The following CTNND2 variants were observed in gnomAD, a reference collection of about 807,000 sequenced individuals.
The protein encoded by CTNND2 is catenin delta-2.
A neutral mutation model predicts 144.4 loss-of-function variants in CTNND2; 22 were observed. That is an observed-to-expected ratio of 0.15 (90% CI 0.11 to 0.22). CTNND2 has a LOEUF of 0.22. Among genes scored for constraint, CTNND2 ranks in the 10% least tolerant of loss-of-function variants. The pLI, the probability that CTNND2 is intolerant of heterozygous loss-of-function variation, is 1.00. For missense variants in CTNND2, 1,353 were observed against 1,618.8 expected, an observed-to-expected ratio of 0.84 and a Z score of 2.82; for synonymous variants, 751 against 695.6, an observed-to-expected ratio of 1.08 and a Z score of -1.25.
At chr5:11,153,261 CA>C (rs1757913691) in intron 12 of CTNND2, among the ~76,000 whole-genome samples, 1 of 151,874 alleles carries the variant, frequency 6.6e-6, no homozygotes, top group Admixed American at 6.6e-5. Flanking sequence ...GACTCCATCT[CA>C]AAAGAATAAA....
At chr5:11,313,236 C>T (rs138814734) in intron 9 of CTNND2, among the ~76,000 whole-genome samples, 107 of 152,312 alleles carry the variant, frequency 7.0e-4, no homozygotes, top group African/African-American at 2.5e-3. Context: ...GTCCCTCCTC[C>T]TCCTCCCTGA....
intron 2 of CTNND2, among the ~76,000 whole-genome samples, chr5:11,582,859 G>T (rs1028830829): frequency 2.7e-4 from 41 of 152,078 alleles, no homozygotes; most frequent in African/African-American, 9.9e-4. Flanking sequence ...CAATTAGAAT[G>T]CGTCGGTGCT....
chr5:11,199,604 C>T lies in CTNND2; in HGVS notation c.1819G>A (p.Glu607Lys), dbSNP rs1251135777. The T allele has an allele frequency of 8.1e-6, 13 of 1,614,060 alleles. No individual in the cohort carries two copies. The highest frequency in any genetic ancestry group is 2.2e-5 in the East Asian group (1 of 44,892). ...GCTCCACAGGCACTACGGTGGACTT[C>T]GGTCATCCGATGATCCAACAGGTCC... is the stretch of plus-strand genomic sequence containing the variant. ...LVDLLDHRMT[E>K]VHRSACGALR... Residue 607 changes from glutamate to lysine, a missense_variant, in exon 11 of 22, where the codon GAA (glutamate) becomes AAA (lysine). Physicochemically the swap from Glu to Lys is moderately conservative, Grantham distance 56 (BLOSUM62 1). Coordinates refer to ENST00000304623, the MANE Select transcript of CTNND2 (RefSeq NM_001332.4).
intron 3 of CTNND2, among the ~76,000 whole-genome samples, chr5:11,529,486 T>TA (rs1206781961): frequency 6.6e-6 from 1 of 152,248 alleles, no homozygotes; most frequent in Non-Finnish European, 1.5e-5. Flanking sequence ...GATCTATTTT[T>TA]AACTCTGCCT....
intron 2 of CTNND2, among the ~76,000 whole-genome samples, chr5:11,669,500 TG>T: frequency 6.6e-6 from 1 of 152,308 alleles, no homozygotes; most frequent in Non-Finnish European, 1.5e-5. Flanking sequence ...GGAGGGTATA[TG>T]GGTCCAGGAA....
At chr5:11,599,514 C>T (rs557431900) in intron 2 of CTNND2, among the ~76,000 whole-genome samples, 9 of 151,994 alleles carry the variant, frequency 5.9e-5, no homozygotes, top group South Asian at 4.2e-4. Flanking sequence ...TGAAGTTGCC[C>T]GCAATAGTTC....
intron 15 of CTNND2, among the ~76,000 whole-genome samples, chr5:11,090,927 T>C (rs6887277): frequency 0.16 from 24,968 of 152,028 alleles, 3,058 homozygotes; most frequent in East Asian, 0.41. Context: ...TCTGGATGCT[T>C]TGAAGATTTT....
chr5:11,420,597 T>C (rs1762291016), intron 3 of CTNND2, among the ~76,000 whole-genome samples: 1 of 152,122 alleles, frequency 6.6e-6, no homozygotes, highest in Non-Finnish European at 1.5e-5. Flanking sequence ...GTTGCCCTGT[T>C]CCATTAGCGC....
At chr5:11,438,815 A>G (rs1764001893) in intron 3 of CTNND2, among the ~76,000 whole-genome samples, 1 of 152,178 alleles carries the variant, frequency 6.6e-6, no homozygotes, top group South Asian at 2.1e-4. Context: ...TATTAGCAAT[A>G]GCAGGACAGT....
chr5:11,837,717 G>C (rs1177521551), intron 1 of CTNND2, among the ~76,000 whole-genome samples: 1 of 152,080 alleles, frequency 6.6e-6, no homozygotes, highest in Non-Finnish European at 1.5e-5. Context: ...CCAGCTCAAA[G>C]ACTTGTGAAT....
intron 1 of CTNND2, among the ~76,000 whole-genome samples, chr5:11,785,936 T>G (rs1022527108): frequency 6.6e-6 from 1 of 152,218 alleles, no homozygotes; most frequent in African/African-American, 2.4e-5. Context: ...CCTCTTGGGC[T>G]GGACAGCCAG....
At chr5:11,435,728 T>C (rs1763714286) in intron 3 of CTNND2, among the ~76,000 whole-genome samples, 1 of 152,220 alleles carries the variant, frequency 6.6e-6, no homozygotes, top group Non-Finnish European at 1.5e-5. Context: ...AATGCAAATA[T>C]TGGTTTCAGA....
chr5:11,642,058 G>T (rs1210306031), intron 2 of CTNND2, among the ~76,000 whole-genome samples: 1 of 151,980 alleles, frequency 6.6e-6, no homozygotes, highest in East Asian at 1.9e-4. Context: ...AGCTTGGCAG[G>T]TAAAAATAGC....
intron 16 of CTNND2, among the ~76,000 whole-genome samples, chr5:11,075,908 T>A (rs1367462384): frequency 3.9e-5 from 6 of 152,194 alleles, no homozygotes; most frequent in Non-Finnish European, 7.4e-5. Context: ...TACCCCTTCC[T>A]CTCTCTATTT....
At chr5:11,036,085 A>G (rs1744036135) in intron 16 of CTNND2, among the ~76,000 whole-genome samples, 1 of 151,876 alleles carries the variant, frequency 6.6e-6, no homozygotes, top group Non-Finnish European at 1.5e-5. Context: ...AAAGAACAAG[A>G]GCTTCTTTTG....
At chr5:11,744,901 A>G (rs1215387740) in intron 1 of CTNND2, among the ~76,000 whole-genome samples, 1 of 151,610 alleles carries the variant, frequency 6.6e-6, no homozygotes, top group Non-Finnish European at 1.5e-5. Context: ...GCGTCCAGCT[A>G]ATTTTTGTGC....
chr5:11,291,055 T>C (rs922099772), intron 9 of CTNND2, among the ~76,000 whole-genome samples: 3 of 151,962 alleles, frequency 2.0e-5, no homozygotes, highest in Non-Finnish European at 4.4e-5. Context: ...GAAGTGATCA[T>C]GGATTAACCA....
intron 1 of CTNND2, among the ~76,000 whole-genome samples, chr5:11,776,089 A>G (rs767135472): frequency 2.0e-5 from 3 of 152,156 alleles, no homozygotes; most frequent in Non-Finnish European, 4.4e-5. Flanking sequence ...TTGGGTTTAG[A>G]ACTTCCAGCC....
At chr5:11,773,514 T>TA (rs966202739) in intron 1 of CTNND2, among the ~76,000 whole-genome samples, 2 of 152,054 alleles carry the variant, frequency 1.3e-5, no homozygotes, top group Non-Finnish European at 2.9e-5. Flanking sequence ...AAGGACTTAG[T>TA]AAAAAAGCAT....
Sources: allele counts gnomAD v4.1 joint callset (sites outside exome capture counted in the v4.1 genomes callset), GRCh38; gene constraint gnomAD v4.1.1; transcripts MANE v1.5; gene names NCBI Gene and HGNC (gene_info 2026-07-23, HGNC 2026-07-21).